Variants in USP24 observed in about 807,000 individuals in gnomAD.
USP24 encodes the protein ubiquitin carboxyl-terminal hydrolase 24.
USP24 carries 97 observed loss-of-function variants against 361.6 expected under a neutral mutation model. The ratio of observed to expected loss-of-function variants is 0.27; its 90% CI spans 0.23 to 0.32. The LOEUF (loss-of-function observed/expected upper bound fraction) is 0.32. Among genes scored for constraint, USP24 ranks in the 10% least tolerant of loss-of-function variants. The pLI is 1.00. For missense variants in USP24, 2,353 were observed against 3,165.6 expected (o/e 0.74, Z 6.16); for synonymous variants, 1,098 against 1,124.6 (o/e 0.98, Z 0.47).
At chr1:55,115,516 A>AG (rs59051631) in intron 38 of USP24, among the ~76,000 whole-genome samples, 1 of 148,538 alleles carries the variant, frequency 6.7e-6, no homozygotes, top group African/African-American at 2.5e-5. Flanking sequence ...AAAAAAAAAA[A>AG]GGAAACAACA....
intron 12 of USP24, among the ~76,000 whole-genome samples, chr1:55,156,250 C>G (rs1647646654): frequency 6.6e-6 from 1 of 151,976 alleles, no homozygotes; most frequent in South Asian, 2.1e-4. Flanking sequence ...TGCATTGGAG[C>G]TCCAAGAAGA....
chr1:55,083,231 A>C, intron 58 of USP24, 41 bp downstream of exon 58: 3 of 1,579,402 alleles, frequency 1.9e-6, no homozygotes, highest in Middle Eastern at 3.4e-4. Flanking sequence ...CGGCTATGAA[A>C]ACCATAGCTA....
chr1:55,212,386 G>C (rs1471770494), intron 1 of USP24, among the ~76,000 whole-genome samples: 1 of 152,098 alleles, frequency 6.6e-6, no homozygotes, highest in African/African-American at 2.4e-5. Flanking sequence ...CACTGGCTTT[G>C]AAGTCAAAGA....
intron 1 of USP24, among the ~76,000 whole-genome samples, chr1:55,205,553 G>A (rs74073079): frequency 0.036 from 5,455 of 152,224 alleles, 317 homozygotes; most frequent in African/African-American, 0.12. Context: ...GTGCTAGGAA[G>A]CAGTATACTT....
chr1:55,136,773 G>A (rs1408638746), intron 28 of USP24, among the ~76,000 whole-genome samples: 1 of 152,136 alleles, frequency 6.6e-6, no homozygotes, highest in African/African-American at 2.4e-5. Flanking sequence ...TGGGGTGGGA[G>A]TGAGGTAGTG....
chr1:55,082,437 T>C (rs576519338), intron 58 of USP24, among the ~76,000 whole-genome samples: 17 of 152,352 alleles, frequency 1.1e-4, no homozygotes, highest in African/African-American at 3.8e-4. Flanking sequence ...ATTTTGAATC[T>C]ATCAAATAAA....
At chr1:55,185,505 AAAAG>A (rs1644104615) in intron 1 of USP24, among the ~76,000 whole-genome samples, 2 of 152,298 alleles carry the variant, frequency 1.3e-5, no homozygotes, top group East Asian at 1.9e-4. Context: ...GACAAAGAGA[AAAAG>A]AAAGAGGATT....
intron 24 of USP24, among the ~76,000 whole-genome samples, 161 bp from the exon 25 acceptor site, chr1:55,139,171 G>T (rs1646820277): frequency 6.6e-6 from 1 of 152,176 alleles, no homozygotes; most frequent in Admixed American, 6.6e-5. Context: ...TGGGGAGGTG[G>T]TTCTACAAGC....
chr1:55,072,246 G>C, intron 66 of USP24, 71 bp downstream of exon 66: 1 of 1,329,580 alleles, frequency 7.5e-7, no homozygotes, highest in South Asian at 1.3e-5. Context: ...AGAGGTTGCA[G>C]TTTCTGAGAA....
At chr1:55,196,369 GA>G (rs1644416738) in intron 1 of USP24, among the ~76,000 whole-genome samples, 1 of 152,056 alleles carries the variant, frequency 6.6e-6, no homozygotes, top group African/African-American at 2.4e-5. Context: ...TTCTTCCAAG[GA>G]GACTTTTAGA....
chr1:55,087,298 A>G (rs1645273122), intron 55 of USP24, among the ~76,000 whole-genome samples: 1 of 152,246 alleles, frequency 6.6e-6, no homozygotes. Flanking sequence ...CATCAGGAAG[A>G]ATGTAGAAGT....
chr1:55,162,378 G>C (rs1648380989), intron 7 of USP24, 114 bp from the exon 8 acceptor site: 1 of 809,584 alleles, frequency 1.2e-6, no homozygotes, highest in Admixed American at 3.9e-5. Flanking sequence ...AGTTGATCAA[G>C]TCATGAATAG....
rs1644827023 is a variant in USP24 at position 55,066,473 on chromosome 1, T to C, written c.*2572A>G. On this transcript the variant is annotated 3_prime_UTR_variant, in exon 68 of 68. Transcript: ENST00000294383. ...GTATCTACTTCCTTTTGAAATTTTA[T>C]AAACAAGATTTTATACACAAGAGGT... 6.6e-6 allele frequency: 1 copy of C among 152,224 alleles called. No individual in the cohort carries two copies. The highest frequency in any genetic ancestry group is 1.5e-5 in the Non-Finnish European group (1 of 68,040). 9.4% of individuals were successfully genotyped at this position (152,224 alleles called of 1,614,324 possible).
intron 38 of USP24, among the ~76,000 whole-genome samples, chr1:55,119,694 T>C (rs1306403713): frequency 1.3e-5 from 2 of 152,002 alleles, no homozygotes; most frequent in Middle Eastern, 3.4e-3. Flanking sequence ...TTATAATAGT[T>C]ATATATATAG....
chr1:55,121,374 T>G, intron 37 of USP24, 62 bp downstream of exon 37: 2 of 1,481,888 alleles, frequency 1.3e-6, no homozygotes, highest in Non-Finnish European at 1.9e-6. Context: ...CACAGGTAGT[T>G]GAGACAGCTC....
chr1:55,165,736 T>G, intron 7 of USP24, 149 bp downstream of exon 7: 2 of 531,732 alleles, frequency 3.8e-6, no homozygotes, highest in Non-Finnish European at 6.0e-6. Flanking sequence ...AAACATTTCT[T>G]TGGTTATCAG....
chr1:55,121,690 A>G (rs1646286269), intron 36 of USP24, among the ~76,000 whole-genome samples, 184 bp from the exon 37 acceptor site: 1 of 152,252 alleles, frequency 6.6e-6, no homozygotes, highest in Non-Finnish European at 1.5e-5. Flanking sequence ...AAGTTGTTCA[A>G]GAGAAGAAAC....
intron 59 of USP24, among the ~76,000 whole-genome samples, chr1:55,079,971 C>G (rs1645116525): frequency 6.6e-6 from 1 of 152,108 alleles, no homozygotes; most frequent in South Asian, 2.1e-4. Context: ...CAGCGGATCC[C>G]TCACAGTCTA....
chr1:55,095,358 C>T lies in USP24; in HGVS notation c.6100G>A (p.Ala2034Thr). 1 of 1,613,344 alleles carries T rather than the reference C, an allele frequency of 6.2e-7. No homozygotes were observed. The highest frequency in any genetic ancestry group is 8.5e-7 in the Non-Finnish European group (1 of 1,179,572). ...YTDVRRRYWNAYMLFYQRVSD... is the reference protein window; with the variant it reads ...YTDVRRRYWNTYMLFYQRVSD... Reference sequence around the variant, plus strand: ...ACCCTTTGGTAGAAAAGCATATAGGCATTCCAGTATCTTCGGCGCACATCA... The same window carrying T: ...ACCCTTTGGTAGAAAAGCATATAGGTATTCCAGTATCTTCGGCGCACATCA... Residue 2034 changes from alanine to threonine, a missense_variant, in exon 51 of 68, where the codon GCC (alanine) becomes ACC (threonine). Ala to Thr is a moderately conservative substitution (Grantham distance 58, BLOSUM62 0). Around this residue, in one of 8 missense-constraint regions of USP24, gnomAD observed 598 missense variants for 761.9 expected, o/e 0.78. Coordinates refer to ENST00000294383, the MANE Select transcript of USP24 (RefSeq NM_015306.3).
Sources: allele counts gnomAD v4.1 joint callset (sites outside exome capture counted in the v4.1 genomes callset), GRCh38; gene constraint gnomAD v4.1.1; regional missense constraint gnomAD v4.1.1; transcripts MANE v1.5; gene names NCBI Gene and HGNC (gene_info 2026-07-23, HGNC 2026-07-21).